The following PARD3B variants were observed in gnomAD, a reference collection of about 807,000 sequenced individuals.
The protein encoded by PARD3B is par-3 family cell polarity regulator beta.
PARD3B carries 103 observed loss-of-function variants against 130.2 expected under a neutral mutation model. The ratio of observed to expected loss-of-function variants is 0.79; its 90% CI spans 0.67 to 0.93. The LOEUF (loss-of-function observed/expected upper bound fraction) is 0.93, where lower values mean the gene tolerates loss of function less well. Ranked by LOEUF, PARD3B falls within the 40% of genes least tolerant of loss-of-function variation. The pLI is 0.00. For synonymous variants in PARD3B, 583 were observed against 553.2 expected (o/e 1.05, Z -0.76); for missense variants, 1,609 against 1,499.2 (o/e 1.07, Z -1.21).
rs1575321406 is a variant in PARD3B, at chr2:205,546,662, C to G, written c.3181-6662C>G. Among the ~76,000 whole-genome samples, 6 of 152,308 alleles carry G rather than the reference C, an allele frequency of 3.9e-5. No individual in the cohort carries two copies. The East Asian group carries it at 5.8e-4, about 15-fold the overall frequency. ...CTTCCTAAGGACTTAACCACAACTT[C>G]TTAAAATTGGCTTCCCTTTAGCAAC... On this transcript the variant is annotated intron_variant, in intron 21 of 22. Transcript: ENST00000406610.
At chr2:205,516,440 T>TTGTAAC (rs1440194760) in intron 21 of PARD3B, among the ~76,000 whole-genome samples, 1 of 152,014 alleles carries the variant, frequency 6.6e-6, no homozygotes, top group African/African-American at 2.4e-5. Context: ...TCCTTTGTAA[T>TTGTAAC]TGTAATTGTA....
chr2:205,370,781 G>T (rs966002869), intron 18 of PARD3B, among the ~76,000 whole-genome samples: 8 of 152,220 alleles, frequency 5.3e-5, no homozygotes, highest in Non-Finnish European at 1.0e-4. Context: ...CACTTTAAGT[G>T]CATTCTGTCA....
chr2:204,747,587 A>C (rs1018100203), intron 2 of PARD3B, among the ~76,000 whole-genome samples: 4 of 152,172 alleles, frequency 2.6e-5, no homozygotes, highest in African/African-American at 9.7e-5. Flanking sequence ...CCCAAAGTTC[A>C]TATGGAACCA....
intron 2 of PARD3B, among the ~76,000 whole-genome samples, chr2:204,908,998 A>G (rs555866488): frequency 1.3e-5 from 2 of 152,274 alleles, no homozygotes; most frequent in African/African-American, 2.4e-5. Flanking sequence ...CATACTATCA[A>G]TAGTGTCCTT....
chr2:204,550,316 G>A (rs1017795494), intron 1 of PARD3B, among the ~76,000 whole-genome samples: 30 of 152,212 alleles, frequency 2.0e-4, no homozygotes, highest in African/African-American at 7.0e-4. Flanking sequence ...AAAATTGTGT[G>A]TGTGTGTTCA....
rs1322919810 is a variant in PARD3B at position 205,113,495 on chromosome 2, A to G, written c.598A>G (p.Met200Val). 1 of 1,611,780 alleles carries G rather than the reference A, an allele frequency of 6.2e-7. No homozygotes were observed. Among genetic ancestry groups the G allele is most frequent in the East Asian group, 2.2e-5 (1 of 44,788 alleles). The change falls in exon 6 of 23, where the codon ATG becomes GTG. Residue 200 changes from methionine (M) to valine (V), a missense_variant. Physicochemically the swap from Met to Val is conservative, Grantham distance 21. Coordinates refer to ENST00000406610, the MANE Select transcript of PARD3B (RefSeq NM_001302769.2). Reference protein sequence around the residue: ...SPRTKDTLSDMTRTVEISGEG... With the variant: ...SPRTKDTLSDVTRTVEISGEG... ...TCTTGTTTTTTTCTGCCCCAGTGAT[A>G]TGACAAGAACAGTGGAGATTTCTGG...
At chr2:205,389,609 G>C (rs1006613239) in intron 18 of PARD3B, among the ~76,000 whole-genome samples, 1 of 152,190 alleles carries the variant, frequency 6.6e-6, no homozygotes, top group South Asian at 2.1e-4. Flanking sequence ...CTCCCAAAGT[G>C]CTGGGATTAC....
intron 21 of PARD3B, among the ~76,000 whole-genome samples, chr2:205,520,508 G>C (rs544727970): frequency 6.6e-6 from 1 of 151,948 alleles, no homozygotes; most frequent in Non-Finnish European, 1.5e-5. Flanking sequence ...TCAATAGCTC[G>C]GGCCGGGGGT....
chr2:205,040,449 A>G (rs1698316520), intron 3 of PARD3B, among the ~76,000 whole-genome samples: 1 of 152,282 alleles, frequency 6.6e-6, no homozygotes, highest in Admixed American at 6.5e-5. Flanking sequence ...TTTTTGTACC[A>G]TATCTCTGAA....
intron 16 of PARD3B, among the ~76,000 whole-genome samples, chr2:205,275,559 G>A (rs909556233): frequency 6.6e-6 from 1 of 151,962 alleles, no homozygotes; most frequent in Non-Finnish European, 1.5e-5. Context: ...TTCATTTAGG[G>A]CAGGGTGTGG....
At chr2:205,517,733 TTCCCTTTTAACACTGCC>T (rs1418922714) in intron 21 of PARD3B, among the ~76,000 whole-genome samples, 2 of 152,174 alleles carry the variant, frequency 1.3e-5, no homozygotes, top group African/African-American at 4.8e-5. Context: ...TGCTGTGAAT[TTCCCTTTTAACACTGCC>T]TTAGCTGTGT....
chr2:204,712,853 A>C (rs2038522272), intron 2 of PARD3B, among the ~76,000 whole-genome samples: 1 of 152,146 alleles, frequency 6.6e-6, no homozygotes, highest in African/African-American at 2.4e-5. Flanking sequence ...TCATTACACC[A>C]ATTGGTATTA....
Position 204,849,519 on chromosome 2 carries a change from C to A in PARD3B, c.223-115633C>A, listed in dbSNP as rs1160460075. ...TTAGGGAATAGTGAAGTGCTGACAT[C>A]TTTGTAATCTAACTTCTGAACCTTT... On this transcript the variant is annotated intron_variant, in intron 2 of 22. Coordinates refer to ENST00000406610, the MANE Select transcript of PARD3B (RefSeq NM_001302769.2). Among the ~76,000 whole-genome samples the A allele has an allele frequency of 5.3e-5, 8 of 152,170 alleles. 1 individual carries two copies. The highest frequency in any genetic ancestry group is 3.9e-4 in the Admixed American group (6 of 15,282).
intron 2 of PARD3B, among the ~76,000 whole-genome samples, chr2:204,709,321 A>G (rs1349187405): frequency 6.6e-6 from 1 of 152,222 alleles, no homozygotes; most frequent in African/African-American, 2.4e-5. Flanking sequence ...TTTATGTGAG[A>G]GAAAACAGTA....
At chr2:204,995,147 C>T (rs1179515567) in intron 3 of PARD3B, among the ~76,000 whole-genome samples, 1 of 152,092 alleles carries the variant, frequency 6.6e-6, no homozygotes, top group East Asian at 1.9e-4. Flanking sequence ...TGATTTTGCT[C>T]ATTAGTTGAT....
At position 204,623,749 on chromosome 2, in the gene PARD3B, C is replaced by G. The variant is rs2034386972; in HGVS notation, c.121-62432C>G. On this transcript the variant is annotated intron_variant, in intron 1 of 22. Transcript: ENST00000406610. The surrounding 1 kb of genome is among the most constrained non-coding windows in gnomAD (Gnocchi z 4.5). ...ATTGGCATAATGCTCCACAGCAGGT[C>G]TCTAGAACTGAATTATGTTGCATAA... Among the ~76,000 whole-genome samples the G allele has an allele frequency of 6.6e-6, 1 of 152,098 alleles. No individual in the cohort carries two copies. The highest frequency in any genetic ancestry group is 6.6e-5 in the Admixed American group (1 of 15,254).
chr2:204,997,131 C>A (rs377100956), intron 3 of PARD3B, among the ~76,000 whole-genome samples: 5 of 152,294 alleles, frequency 3.3e-5, no homozygotes, highest in African/African-American at 1.2e-4. Context: ...TCTTTCAATT[C>A]TTGTAATTCC....
chr2:205,228,238 C>G (rs1219290470), intron 15 of PARD3B, among the ~76,000 whole-genome samples: 1 of 152,106 alleles, frequency 6.6e-6, no homozygotes, highest in Non-Finnish European at 1.5e-5. Context: ...CATCAATGTC[C>G]TTTTCTTTCA....
At chr2:205,512,620 A>C (rs2050628791) in intron 21 of PARD3B, among the ~76,000 whole-genome samples, 1 of 152,208 alleles carries the variant, frequency 6.6e-6, no homozygotes, top group African/African-American at 2.4e-5. Context: ...ATGAATGCCT[A>C]GGAAAATGTA....
Sources: gnomAD v4.1 joint callset for allele counts (sites outside exome capture counted in the v4.1 genomes callset) on GRCh38, gnomAD v4.1.1 for gene constraint, Gnocchi (gnomAD v3.1) non-coding constraint, MANE v1.5 for transcripts, NCBI Gene and HGNC (gene_info 2026-07-23, HGNC 2026-07-21) for gene names.